Variants in CAMK2A observed in about 807,000 individuals in gnomAD.
The protein encoded by CAMK2A is calcium/calmodulin dependent protein kinase II alpha.
In CAMK2A, 7 loss-of-function variants were observed where a neutral mutation model predicts 79.2. That is an observed-to-expected ratio of 0.09 (90% CI 0.05 to 0.17). The LOEUF (loss-of-function observed/expected upper bound fraction) is 0.17. Among genes scored for constraint, CAMK2A ranks in the 10% least tolerant of loss-of-function variants. The pLI is 1.00. For synonymous variants in CAMK2A, 242 were observed against 251.7 expected, an observed-to-expected ratio of 0.96 and a Z score of 0.36; for missense variants, 214 against 646.4, an observed-to-expected ratio of 0.33 and a Z score of 7.25.
At chr5:150,232,795 C>T (rs1754904047) in intron 15 of CAMK2A, among the ~76,000 whole-genome samples, 1 of 152,220 alleles carries the variant, frequency 6.6e-6, no homozygotes, top group African/African-American at 2.4e-5. Flanking sequence ...CACAGGAGCA[C>T]ACCTCAGGCC....
At chr5:150,254,116 C>T (rs987896920) in intron 6 of CAMK2A, among the ~76,000 whole-genome samples, 14 of 152,278 alleles carry the variant, frequency 9.2e-5, no homozygotes, top group Middle Eastern at 3.4e-3. Flanking sequence ...GTCCAGCCCT[C>T]AGTCTCATGT....
At chr5:150,267,583 G>T (rs1756563197) in intron 2 of CAMK2A, among the ~76,000 whole-genome samples, 1 of 152,136 alleles carries the variant, frequency 6.6e-6, no homozygotes, top group African/African-American at 2.4e-5. Context: ...CATTTTCACT[G>T]TTGAAAGCAT....
At chr5:150,247,705 T>G in intron 12 of CAMK2A, 67 bp downstream of exon 12, 1 of 1,352,950 alleles carries the variant, frequency 7.4e-7, no homozygotes, top group Non-Finnish European at 1.0e-6. Context: ...CTCCAATATC[T>G]GACAGGACGG....
At chr5:150,289,898 C>G, upstream of CAMK2A, 2 of 505,418 alleles carry the variant, frequency 4.0e-6, no homozygotes, top group South Asian at 5.3e-5. Flanking sequence ...CACCTGCCTG[C>G]CTTCCACTGC....
intron 1 of CAMK2A, among the ~76,000 whole-genome samples, chr5:150,283,517 G>T (rs1307432820): frequency 1.3e-5 from 2 of 152,122 alleles, no homozygotes; most frequent in Non-Finnish European, 2.9e-5. Flanking sequence ...TGGAACTACA[G>T]GCGTGCACCA....
chr5:150,240,989 A>C (rs1755311434), intron 13 of CAMK2A, among the ~76,000 whole-genome samples: 1 of 152,192 alleles, frequency 6.6e-6, no homozygotes. Flanking sequence ...TGACTCCAAG[A>C]TCCAGTGAGC....
At chr5:150,285,356 G>A (rs770517342) in intron 1 of CAMK2A, among the ~76,000 whole-genome samples, 1 of 152,230 alleles carries the variant, frequency 6.6e-6, no homozygotes, top group African/African-American at 2.4e-5. Flanking sequence ...GTGGATAGGA[G>A]AGGGTATAAG....
At chr5:150,248,215 C>T (rs1479372737) in intron 11 of CAMK2A, among the ~76,000 whole-genome samples, 1 of 152,068 alleles carries the variant, frequency 6.6e-6, no homozygotes, top group Non-Finnish European at 1.5e-5. Context: ...TAGCCCTCTG[C>T]CCCGTGCTGA....
rs1484408934 is a variant in CAMK2A at position 150,220,705 on chromosome 5, G to A, written c.*2005C>T. On this transcript the variant is annotated 3_prime_UTR_variant, in exon 19 of 19. Coordinates refer to ENST00000671881, the MANE Select transcript of CAMK2A (RefSeq NM_015981.4). ...GCCCTCTGGGCCTGGGGCAGGCCAA[G>A]AGCCTGCCCCTGGGCCTGGGCAGCA... 1.3e-5 allele frequency: 2 copies of A among 151,046 alleles called. No individual in the cohort carries two copies. Among genetic ancestry groups the A allele is most frequent in the Admixed American group, 6.6e-5 (1 of 15,096 alleles). The allele number at this position is 151,046 out of a possible 1,614,324, so 9.4% of individuals were successfully genotyped here.
At position 150,256,001 on chromosome 5, in the gene CAMK2A, T is replaced by C. The variant is rs1468812040; in HGVS notation, c.411+572A>G. ...AGCAAGGCTGTGCAGCTGGTGCCAG[T>C]CCTAGACTCTGCAATCTCCTTCAGG... is the stretch of plus-strand genomic sequence containing the variant. On this transcript the variant is annotated intron_variant, in intron 6 of 18. Coordinates refer to ENST00000671881, the MANE Select transcript of CAMK2A (RefSeq NM_015981.4). The surrounding 1 kb of genome is among the most constrained non-coding windows in gnomAD (Gnocchi z 4.6). Among the ~76,000 whole-genome samples, 1 of 152,170 alleles carries C rather than the reference T, an allele frequency of 6.6e-6. No homozygotes were observed. Among genetic ancestry groups the C allele is most frequent in the African/African-American group, 2.4e-5 (1 of 41,448 alleles).
chr5:150,231,305 G>A lies in CAMK2A; in HGVS notation c.1142C>T (p.Thr381Met). 6.3e-7 allele frequency: 1 copy of A among 1,576,480 alleles called. No homozygotes were observed. Residue 381 changes from threonine (T) to methionine (M), a missense_variant and splice_region_variant, in exon 16 of 19, where the codon ACG (threonine) becomes ATG (methionine). Physicochemically the swap from Thr to Met is moderately conservative, Grantham distance 81 (BLOSUM62 -1). Around this residue, in one of 4 missense-constraint regions of CAMK2A, gnomAD observed 123 missense variants for 242.4 expected, o/e 0.51. Coordinates refer to ENST00000671881, the MANE Select transcript of CAMK2A (RefSeq NM_015981.4). ...AISNGDFESY[T>M]KMCDPGMTAF... is the part of the protein sequence containing the mutation. ...TGCAGAATGAGCCCAGCTGACTCAC[G>A]TGTAGGACTCAAAATCTCCATTGCT...
chr5:150,220,604 G>C lies in CAMK2A; in HGVS notation c.*2106C>G, dbSNP rs183021002. ...CCCTCACCCTTGACTGGGGATGGCT[G>C]TAGGGAACTGGCAGCTCAAAAGGGG... On this transcript the variant is annotated 3_prime_UTR_variant, in exon 19 of 19. Coordinates refer to ENST00000671881, the MANE Select transcript of CAMK2A (RefSeq NM_015981.4). 2 of 152,460 alleles carry C rather than the reference G, an allele frequency of 1.3e-5. No individual in the cohort carries two copies. Among genetic ancestry groups the C allele is most frequent in the African/African-American group, 4.8e-5 (2 of 41,576 alleles). 9.4% of individuals were successfully genotyped at this position (152,460 alleles called of 1,614,324 possible).
chr5:150,245,827 C>T (rs1755545046), intron 12 of CAMK2A, among the ~76,000 whole-genome samples: 1 of 152,198 alleles, frequency 6.6e-6, no homozygotes, highest in Admixed American at 6.5e-5. Context: ...GCCCGGGTGG[C>T]AGGGACAACC....
chr5:150,254,788 C>G lies in CAMK2A; in HGVS notation c.412-1242G>C, dbSNP rs1755983593. On this transcript the variant is annotated intron_variant, in intron 6 of 18. Coordinates refer to ENST00000671881, the MANE Select transcript of CAMK2A (RefSeq NM_015981.4). Reference sequence around the variant, plus strand: ...TAGTTTCCTCTGAGAAAAATGCTTACCTTATGGGGTGGTGCATGGATTAAC... The same window carrying G: ...TAGTTTCCTCTGAGAAAAATGCTTAGCTTATGGGGTGGTGCATGGATTAAC... 2.0e-5 allele frequency among the ~76,000 whole-genome samples: 3 copies of G among 152,180 alleles called. No homozygotes were observed. In the South Asian group the frequency reaches 6.2e-4, roughly 32 times the overall value.
chr5:150,269,553 C>T (rs925571294), intron 2 of CAMK2A, among the ~76,000 whole-genome samples: 4 of 152,028 alleles, frequency 2.6e-5, no homozygotes, highest in Admixed American at 6.6e-5. Flanking sequence ...GGGGTCTCAC[C>T]ATGTTGCCCA....
Position 150,219,806 on chromosome 5 carries a change from C to T in CAMK2A, c.*2904G>A, listed in dbSNP as rs1754212132. The T allele has an allele frequency of 1.3e-5, 2 of 152,304 alleles. No homozygotes were observed. The highest frequency in any genetic ancestry group is 2.1e-4 in the South Asian group (1 of 4,802). The allele number at this position is 152,304 out of a possible 1,614,324, so 9.4% of individuals were successfully genotyped here. A position where few individuals can be genotyped will look rare whatever the true frequency, so the allele number is the denominator to read the frequency against. Reference sequence around the variant, plus strand: ...GGGCACAAACCCAGGAGAACACTTTCCTGTAAACGTGTTTTCATGCTGGAG... The same window carrying T: ...GGGCACAAACCCAGGAGAACACTTTTCTGTAAACGTGTTTTCATGCTGGAG... On this transcript the variant is annotated 3_prime_UTR_variant, in exon 19 of 19. Coordinates refer to ENST00000671881, the MANE Select transcript of CAMK2A (RefSeq NM_015981.4).
chr5:150,224,411 C>G (rs1302230390), intron 17 of CAMK2A, among the ~76,000 whole-genome samples: 2 of 152,180 alleles, frequency 1.3e-5, no homozygotes, highest in Non-Finnish European at 2.9e-5. Flanking sequence ...CTCCCTTCTC[C>G]TTCCCTACCA....
In CAMK2A at chr5:150,228,292, G is replaced by A. The variant is rs1166310096; in HGVS notation, c.1143-6C>T. The A allele has an allele frequency of 6.2e-7, 1 of 1,611,416 alleles. No individual in the cohort carries two copies. The highest frequency in any genetic ancestry group is 8.5e-7 in the Non-Finnish European group (1 of 1,178,130). ...TGCCAGGGTCGCACATCTTCCTGGG[G>A]GAAAGAAGCCAGAGGGAAGAGGGAC... On this transcript the variant is annotated splice_polypyrimidine_tract_variant and splice_region_variant and intron_variant, in intron 16 of 18. Coordinates refer to ENST00000671881, the MANE Select transcript of CAMK2A (RefSeq NM_015981.4).
intron 2 of CAMK2A, among the ~76,000 whole-genome samples, chr5:150,271,122 G>A (rs1036881543): frequency 2.6e-5 from 4 of 152,206 alleles, no homozygotes; most frequent in Non-Finnish European, 5.9e-5. Flanking sequence ...CACAGAGAGG[G>A]CACCAGACTG....
Sources: gnomAD v4.1 joint callset for allele counts (sites outside exome capture counted in the v4.1 genomes callset) on GRCh38, gnomAD v4.1.1 for gene constraint, gnomAD v4.1.1 regional missense constraint, Gnocchi (gnomAD v3.1) non-coding constraint, MANE v1.5 for transcripts, NCBI Gene and HGNC (gene_info 2026-07-23, HGNC 2026-07-21) for gene names.